MAGI2: variants seen among roughly 807,000 people sequenced by gnomAD.
The protein encoded by MAGI2 is membrane-associated guanylate kinase, WW and PDZ domain-containing protein 2.
In MAGI2, 35 loss-of-function variants were observed where a neutral mutation model predicts 133.3. The observed-to-expected ratio is 0.26, with a 90% CI of 0.20 to 0.35. The LOEUF (loss-of-function observed/expected upper bound fraction) is 0.35. Among genes scored for constraint, MAGI2 ranks in the 10% least tolerant of loss-of-function variants. The pLI, the probability that MAGI2 is intolerant of heterozygous loss-of-function variation, is 1.00. For missense variants in MAGI2, 1,636 were observed against 1,863.4 expected (o/e 0.88, Z 2.25); for synonymous variants, 729 against 710.6 (o/e 1.03, Z -0.41).
chr7:78,575,437 T>C (rs1802168241), intron 3 of MAGI2, among the ~76,000 whole-genome samples: 1 of 152,122 alleles, frequency 6.6e-6, no homozygotes. Flanking sequence ...TATATAGATA[T>C]CAAGGAGGAG....
chr7:78,770,864 C>G (rs531061584), intron 2 of MAGI2: 1 of 152,736 alleles, frequency 6.5e-6, no homozygotes, highest in Non-Finnish European at 1.5e-5. Flanking sequence ...GAGCTCTGTT[C>G]AAAGGAAGCA....
chr7:78,960,812 G>T (rs1802769947), intron 2 of MAGI2, among the ~76,000 whole-genome samples: 1 of 152,076 alleles, frequency 6.6e-6, no homozygotes, highest in Middle Eastern at 3.2e-3. Flanking sequence ...ACTTCACTCT[G>T]ATTGGTTAAG....
chr7:78,219,595 C>G (rs556704558), intron 10 of MAGI2, among the ~76,000 whole-genome samples: 1 of 152,190 alleles, frequency 6.6e-6, no homozygotes, highest in Admixed American at 6.5e-5. Context: ...AACTGTTCAG[C>G]TGTATTTACA....
At chr7:78,117,968 C>T (rs1403353339) in intron 20 of MAGI2, among the ~76,000 whole-genome samples, 1 of 152,132 alleles carries the variant, frequency 6.6e-6, no homozygotes, top group East Asian at 1.9e-4. Context: ...TATAAAGCCA[C>T]AGTAATCAGG....
At chr7:78,532,946 C>CT (rs371827779) in intron 3 of MAGI2, among the ~76,000 whole-genome samples, 1,841 of 145,532 alleles carry the variant, frequency 0.013, 12 homozygotes, top group South Asian at 0.022. Context: ...TCAACTAATT[C>CT]TTTTTTTTTT....
intron 21 of MAGI2, among the ~76,000 whole-genome samples, chr7:78,038,135 C>T (rs1366299309): frequency 6.6e-6 from 1 of 152,004 alleles, no homozygotes; most frequent in African/African-American, 2.4e-5. Context: ...CTTTACTAGA[C>T]TATAAATTCT....
At chr7:78,261,724 A>T (rs1278826903) in intron 9 of MAGI2, among the ~76,000 whole-genome samples, 1 of 152,070 alleles carries the variant, frequency 6.6e-6, no homozygotes, top group African/African-American at 2.4e-5. Context: ...AATTACATGC[A>T]CTCTACATTA....
At chr7:78,740,889 T>G (rs935985933) in intron 2 of MAGI2, among the ~76,000 whole-genome samples, 4 of 152,198 alleles carry the variant, frequency 2.6e-5, no homozygotes, top group African/African-American at 9.6e-5. Flanking sequence ...ATTTTAAACC[T>G]GAGAAGAATA....
intron 1 of MAGI2, among the ~76,000 whole-genome samples, chr7:79,310,858 C>T (rs1252926331): frequency 6.6e-6 from 1 of 152,076 alleles, no homozygotes. Context: ...TGCCTTTCTA[C>T]AGCAGTACTA....
At chr7:78,502,231 C>T (rs1177600832) in intron 4 of MAGI2, among the ~76,000 whole-genome samples, 1 of 152,020 alleles carries the variant, frequency 6.6e-6, no homozygotes, top group African/African-American at 2.4e-5. Context: ...AATGTAATCA[C>T]AAGAGTCCTT....
At chr7:79,180,869 A>C (rs865941965) in intron 1 of MAGI2, among the ~76,000 whole-genome samples, 1 of 152,000 alleles carries the variant, frequency 6.6e-6, no homozygotes, top group Admixed American at 6.6e-5. Flanking sequence ...GAAATTGATC[A>C]AAACAAAAGG....
chr7:79,433,649 A>G (rs1847940236), intron 1 of MAGI2, among the ~76,000 whole-genome samples: 3 of 152,162 alleles, frequency 2.0e-5, no homozygotes, highest in African/African-American at 7.2e-5. Flanking sequence ...GAACATAGTA[A>G]ATGATCAATA....
intron 2 of MAGI2, among the ~76,000 whole-genome samples, chr7:78,974,675 A>AT (rs963083123): frequency 1.3e-5 from 2 of 151,738 alleles, no homozygotes; most frequent in African/African-American, 4.8e-5. Context: ...TTGTAATCTC[A>AT]TTTATCTTCC....
At chr7:78,705,529 T>C (rs928254304) in intron 2 of MAGI2, among the ~76,000 whole-genome samples, 1 of 152,112 alleles carries the variant, frequency 6.6e-6, no homozygotes, top group African/African-American at 2.4e-5. Context: ...ACCACTGATT[T>C]TCTCCTTATT....
chr7:78,677,402 T>C (rs6979805), intron 2 of MAGI2, among the ~76,000 whole-genome samples: 2,809 of 151,938 alleles, frequency 0.018, 86 homozygotes, highest in African/African-American at 0.064. Flanking sequence ...AAATGACATA[T>C]ATTAAAGTAT....
rs528374034 is a variant in MAGI2 at position 78,281,292 on chromosome 7, T to TGAATTGTAATCTCC, written c.1409-24725_1409-24712dup. On this transcript the variant is annotated intron_variant, in intron 9 of 21. Transcript: ENST00000354212. ...TGTGTCCCCACCCAAAATCTCATCT[T>TGAATTGTAATCTCC]GAATTGTAATCTCCATAATCCCCAC... 7.7e-3 allele frequency among the ~76,000 whole-genome samples: 1,177 copies of TGAATTGTAATCTCC among 152,274 alleles called. 16 individuals carry two copies. The highest frequency in any genetic ancestry group is 0.027 in the African/African-American group (1,134 of 41,570).
In MAGI2 at chr7:78,188,866, T is replaced by C. The variant is rs9791989; in HGVS notation, c.2270-3196A>G. On this transcript the variant is annotated intron_variant, in intron 12 of 21. Coordinates refer to ENST00000354212, the MANE Select transcript of MAGI2 (RefSeq NM_012301.4). ...ATTTAATTACGTGGGAAAAGGAGAC[T>C]TGGAGTCAGGAAGGCTTGAGCTGAA... 2.6e-5 allele frequency among the ~76,000 whole-genome samples: 4 copies of C among 152,302 alleles called. No individual in the cohort carries two copies. In the East Asian group the frequency reaches 7.7e-4, roughly 29 times the overall value.
At chr7:78,645,759 G>A (rs1465438474) in intron 2 of MAGI2, among the ~76,000 whole-genome samples, 1 of 147,308 alleles carries the variant, frequency 6.8e-6, no homozygotes, top group East Asian at 2.0e-4. Context: ...TTTTCCCCGA[G>A]ACATTGTCAT....
At chr7:78,303,844 CTT>C (rs1798046135) in intron 9 of MAGI2, among the ~76,000 whole-genome samples, 1 of 152,098 alleles carries the variant, frequency 6.6e-6, no homozygotes, top group African/African-American at 2.4e-5. Flanking sequence ...TAGCTTTGAC[CTT>C]TCTCTCACAA....
Sources: gnomAD v4.1 joint callset for allele counts (sites outside exome capture counted in the v4.1 genomes callset) on GRCh38, gnomAD v4.1.1 for gene constraint, MANE v1.5 for transcripts, NCBI Gene and HGNC (gene_info 2026-07-23, HGNC 2026-07-21) for gene names.